The following NALF1 variants were observed in gnomAD, a reference collection of about 807,000 sequenced individuals.
NALF1 encodes family with sequence similarity 155 member A.
A neutral mutation model predicts 48.4 loss-of-function variants in NALF1; 3 were observed. The ratio of observed to expected loss-of-function variants is 0.06; its 90% confidence interval spans 0.03 to 0.16. The LOEUF is 0.16. Ranked by LOEUF, NALF1 falls within the 10% of genes least tolerant of loss-of-function variation. NALF1 has a pLI of 1.00. For synonymous variants in NALF1, 262 were observed against 245.7 expected (o/e 1.07, Z -0.62); for missense variants, 526 against 571.5 (o/e 0.92, Z 0.81).
At chr13:107,278,806 G>T (rs1881330453) in intron 1 of NALF1, among the ~76,000 whole-genome samples, 1 of 152,058 alleles carries the variant, frequency 6.6e-6, no homozygotes, top group Non-Finnish European at 1.5e-5. Flanking sequence ...AAGATCATTA[G>T]CTTTTAAAAA....
intron 1 of NALF1, among the ~76,000 whole-genome samples, chr13:107,326,875 G>A (rs1486284360): frequency 6.8e-6 from 1 of 147,542 alleles, no homozygotes; most frequent in Non-Finnish European, 1.5e-5. Context: ...GGCCTTGAGG[G>A]TGATCTTAAT....
chr13:107,622,627 C>G (rs766367513), intron 1 of NALF1, among the ~76,000 whole-genome samples: 1 of 152,102 alleles, frequency 6.6e-6, no homozygotes. Flanking sequence ...TGATTTCACC[C>G]CAGGGGCTTG....
chr13:107,403,188 CTTTTTTTTTTTT>C (rs10710356), intron 1 of NALF1, among the ~76,000 whole-genome samples: 7 of 42,488 alleles, frequency 1.6e-4, no homozygotes, highest in East Asian at 9.2e-4. Flanking sequence ...CTTGTTCGGG[CTTTTTTTTTTTT>C]TTTTTTTTTT....
At chr13:107,695,621 G>A (rs1881680863) in intron 1 of NALF1, among the ~76,000 whole-genome samples, 1 of 152,032 alleles carries the variant, frequency 6.6e-6, no homozygotes, top group South Asian at 2.1e-4. Flanking sequence ...TGGGGCTTTT[G>A]GAGAATAAAA....
intron 1 of NALF1, among the ~76,000 whole-genome samples, chr13:107,260,283 T>C (rs1362562312): frequency 2.0e-5 from 3 of 152,242 alleles, no homozygotes; most frequent in Non-Finnish European, 4.4e-5. Flanking sequence ...TGTGAAACTG[T>C]CTGCTGTGAA....
chr13:107,635,066 G>T (rs1352397585), intron 1 of NALF1, among the ~76,000 whole-genome samples: 1 of 151,966 alleles, frequency 6.6e-6, no homozygotes, highest in East Asian at 1.9e-4. Flanking sequence ...AATATGTTTT[G>T]GCCAAATACG....
At chr13:107,221,706 T>C (rs1344020272) in intron 1 of NALF1, among the ~76,000 whole-genome samples, 1 of 152,174 alleles carries the variant, frequency 6.6e-6, no homozygotes, top group African/African-American at 2.4e-5. Context: ...AAACCGAGAC[T>C]CAGAGAATGT....
chr13:107,390,901 ATAAT>A (rs1391933628), intron 1 of NALF1, among the ~76,000 whole-genome samples: 1 of 151,354 alleles, frequency 6.6e-6, no homozygotes, highest in Non-Finnish European at 1.5e-5. Flanking sequence ...AATAATAATA[ATAAT>A]AATAGAGGCT....
At chr13:107,210,809 T>TA (rs1879745393) in intron 1 of NALF1, 54 bp from the exon 2 acceptor site, 1 of 1,270,382 alleles carries the variant, frequency 7.9e-7, no homozygotes, top group Admixed American at 1.7e-5. Flanking sequence ...GTTACAGTGA[T>TA]AGAGGCACTG....
At chr13:107,501,044 T>A (rs550362199) in intron 1 of NALF1, among the ~76,000 whole-genome samples, 115 of 152,024 alleles carry the variant, frequency 7.6e-4, no homozygotes, top group Admixed American at 2.7e-3. Context: ...ATGGCACATG[T>A]ATACATATGT....
At chr13:107,636,404 T>C (rs1879977520) in intron 1 of NALF1, among the ~76,000 whole-genome samples, 1 of 152,176 alleles carries the variant, frequency 6.6e-6, no homozygotes, top group Non-Finnish European at 1.5e-5. Context: ...ATATGGAACA[T>C]TTCTTCATTG....
chr13:107,223,220 T>C (rs145058399), intron 1 of NALF1, among the ~76,000 whole-genome samples: 1,528 of 152,322 alleles, frequency 0.01, 35 homozygotes, highest in African/African-American at 0.035. Context: ...TGGCATCTTG[T>C]GAAAGTGTTG....
intron 1 of NALF1, among the ~76,000 whole-genome samples, chr13:107,656,053 G>C (rs1880565771): frequency 6.6e-6 from 1 of 151,332 alleles, no homozygotes; most frequent in African/African-American, 2.4e-5. Flanking sequence ...AAATCATAAA[G>C]ATTCTAGAAG....
At chr13:107,631,585 T>G (rs1879836279) in intron 1 of NALF1, among the ~76,000 whole-genome samples, 1 of 152,078 alleles carries the variant, frequency 6.6e-6, no homozygotes. Context: ...CTTGAGAGCT[T>G]TTTATTACAG....
At position 107,397,536 on chromosome 13, in the gene NALF1, C is replaced by A. The variant is rs895829008; in HGVS notation, c.916-186781G>T. Among the ~76,000 whole-genome samples the A allele has an allele frequency of 3.9e-5, 6 of 152,230 alleles. No individual in the cohort carries two copies. In the East Asian group the frequency reaches 7.8e-4, roughly 20 times the overall value. On this transcript the variant is annotated intron_variant, in intron 1 of 2. Coordinates refer to ENST00000375915, the MANE Select transcript of NALF1 (RefSeq NM_001080396.3). ...CACATCTTGTCCTGAGAGGCAGTCACGTAGGATTCTAATCTTATTGTGTCT... is the reference window on the plus strand; with the variant it reads ...CACATCTTGTCCTGAGAGGCAGTCAAGTAGGATTCTAATCTTATTGTGTCT...
At chr13:107,728,636 A>C (rs1328847495) in intron 1 of NALF1, among the ~76,000 whole-genome samples, 1 of 152,118 alleles carries the variant, frequency 6.6e-6, no homozygotes, top group Non-Finnish European at 1.5e-5. Flanking sequence ...CCACCATGGC[A>C]CATGTATACA....
intron 1 of NALF1, among the ~76,000 whole-genome samples, chr13:107,230,146 A>G (rs919108067): frequency 2.6e-5 from 4 of 152,190 alleles, no homozygotes; most frequent in Non-Finnish European, 4.4e-5. Context: ...AATGAAAATT[A>G]ATATTATGTC....
intron 1 of NALF1, among the ~76,000 whole-genome samples, chr13:107,798,155 G>A (rs983441882): frequency 6.6e-6 from 1 of 152,078 alleles, no homozygotes; most frequent in African/African-American, 2.4e-5. Flanking sequence ...AATATGGGGC[G>A]CTACGGCATC....
chr13:107,822,754 A>C (rs897899792), intron 1 of NALF1, among the ~76,000 whole-genome samples: 2 of 152,206 alleles, frequency 1.3e-5, no homozygotes, highest in Non-Finnish European at 2.9e-5. Flanking sequence ...TTAAAGGGAT[A>C]AGTTGAATTA....
Sources: allele counts gnomAD v4.1 joint callset (sites outside exome capture counted in the v4.1 genomes callset), GRCh38; gene constraint gnomAD v4.1.1; transcripts MANE v1.5; gene names NCBI Gene and HGNC (gene_info 2026-07-23, HGNC 2026-07-21).